Variants in EYS observed in about 807,000 individuals in gnomAD.
EYS encodes the protein EGF-like photoreceptor maintenance factor.
In EYS, 250 loss-of-function variants were observed where a neutral mutation model predicts 282.1. That is an observed-to-expected ratio of 0.89 (90% confidence interval 0.80 to 0.98). The LOEUF (loss-of-function observed/expected upper bound fraction) is 0.98, where lower values mean the gene tolerates loss of function less well. Ranked by LOEUF, EYS falls within the 50% of genes least tolerant of loss-of-function variation. The pLI is 0.00. For missense variants in EYS, 4,016 were observed against 3,709.0 expected (o/e 1.08, Z -2.15); for synonymous variants, 1,355 against 1,282.9 (o/e 1.06, Z -1.20).
intron 35 of EYS, among the ~76,000 whole-genome samples, chr6:63,955,345 G>GT (rs1765770541): frequency 6.6e-6 from 1 of 152,080 alleles, no homozygotes; most frequent in Admixed American, 6.6e-5. Flanking sequence ...ATATCTCCTG[G>GT]TTTTACCTCA....
intron 12 of EYS, among the ~76,000 whole-genome samples, chr6:65,095,885 A>G (rs564865629): frequency 6.6e-6 from 1 of 150,874 alleles, no homozygotes; most frequent in East Asian, 1.9e-4. Flanking sequence ...TATGATCAGA[A>G]ACAGGGTGAG....
At chr6:65,543,480 T>C (rs1251283248) in intron 2 of EYS, among the ~76,000 whole-genome samples, 2 of 148,412 alleles carry the variant, frequency 1.3e-5, no homozygotes, top group Non-Finnish European at 3.0e-5. Flanking sequence ...TGTGTGTGTA[T>C]ATATCTATAT....
chr6:64,329,893 G>A (rs1001215450), intron 29 of EYS, among the ~76,000 whole-genome samples: 11 of 152,086 alleles, frequency 7.2e-5, no homozygotes, highest in Non-Finnish European at 1.3e-4. Flanking sequence ...TGGTTTACAT[G>A]CTTATACATA....
At chr6:65,185,918 T>G (rs181338736) in intron 12 of EYS, among the ~76,000 whole-genome samples, 112 of 151,816 alleles carry the variant, frequency 7.4e-4, no homozygotes, top group African/African-American at 2.6e-3. Context: ...CTCAGAACAT[T>G]GATATTCTCT....
chr6:65,314,773 C>T (rs1440715724), intron 11 of EYS, among the ~76,000 whole-genome samples: 3 of 151,938 alleles, frequency 2.0e-5, no homozygotes, highest in African/African-American at 4.8e-5. Context: ...GAACTGTGCT[C>T]ACTCACATAG....
chr6:63,851,566 A>G (rs575124900), intron 36 of EYS, among the ~76,000 whole-genome samples: 2 of 152,222 alleles, frequency 1.3e-5, no homozygotes, highest in East Asian at 1.9e-4. Flanking sequence ...CTGCTCCTGA[A>G]TGACTACTGG....
intron 22 of EYS, among the ~76,000 whole-genome samples, chr6:64,780,104 G>A (rs1037528064): frequency 6.6e-6 from 1 of 152,040 alleles, no homozygotes; most frequent in Non-Finnish European, 1.5e-5. Context: ...ATCTCCATGT[G>A]AACATGAGCT....
At chr6:65,606,332 G>C (rs1765791123) in intron 2 of EYS, among the ~76,000 whole-genome samples, 1 of 151,584 alleles carries the variant, frequency 6.6e-6, no homozygotes, top group Non-Finnish European at 1.5e-5. Context: ...CATATTCCAA[G>C]CCATACTAAA....
At chr6:64,259,882 T>C (rs1767530544) in intron 30 of EYS, among the ~76,000 whole-genome samples, 1 of 152,060 alleles carries the variant, frequency 6.6e-6, no homozygotes, top group East Asian at 1.9e-4. Flanking sequence ...ATGTATTCCA[T>C]AATTATTTCA....
chr6:65,582,261 C>G (rs1196402909), intron 2 of EYS, among the ~76,000 whole-genome samples: 2 of 151,534 alleles, frequency 1.3e-5, no homozygotes, highest in Admixed American at 1.3e-4. Context: ...TGATCTTTTA[C>G]CAGTGTTTTG....
Position 64,449,762 on chromosome 6 carries a change from C to T in EYS, c.5645-10410G>A, listed in dbSNP as rs1361359151. Among the ~76,000 whole-genome samples the T allele has an allele frequency of 3.9e-5, 6 of 152,102 alleles. No individual in the cohort carries two copies. The South Asian group carries it at 1.0e-3, about 26-fold the overall frequency. On this transcript the variant is annotated intron_variant, in intron 26 of 42. Coordinates refer to ENST00000503581, the MANE Select transcript of EYS (RefSeq NM_001142800.2). ...TTTCATATCCAGCCAAACTAAGCTT[C>T]ATAAGTGAAGGAGAAATAAAATACT... is the stretch of plus-strand genomic sequence containing the variant.
At chr6:65,294,386 A>G (rs17411685) in intron 12 of EYS, among the ~76,000 whole-genome samples, 4,961 of 152,078 alleles carry the variant, frequency 0.033, 132 homozygotes, top group Middle Eastern at 0.071. Flanking sequence ...CTTGCTTATA[A>G]TATGGGCCTG....
At chr6:64,679,992 G>A (rs972702361) in intron 22 of EYS, among the ~76,000 whole-genome samples, 1 of 151,650 alleles carries the variant, frequency 6.6e-6, no homozygotes, top group Non-Finnish European at 1.5e-5. Flanking sequence ...TTTTTACATA[G>A]GGAAAATAAA....
At chr6:64,451,681 C>A (rs7451523) in intron 26 of EYS, among the ~76,000 whole-genome samples, 4 of 151,984 alleles carry the variant, frequency 2.6e-5, no homozygotes, top group East Asian at 1.9e-4. Context: ...GGGCTTCATC[C>A]CCGGGATGCA....
chr6:64,204,028 A>G (rs975972784), intron 31 of EYS, among the ~76,000 whole-genome samples: 10 of 152,216 alleles, frequency 6.6e-5, no homozygotes, highest in African/African-American at 2.4e-4. Context: ...TAAGAATTAA[A>G]TCACATTTGA....
At chr6:65,140,783 C>T (rs1459005883) in intron 12 of EYS, among the ~76,000 whole-genome samples, 1 of 151,708 alleles carries the variant, frequency 6.6e-6, no homozygotes, top group Non-Finnish European at 1.5e-5. Flanking sequence ...AAATCAAAAC[C>T]ACAATGAGAT....
chr6:64,784,625 G>A (rs1287082730), intron 22 of EYS, among the ~76,000 whole-genome samples: 1 of 152,046 alleles, frequency 6.6e-6, no homozygotes, highest in Non-Finnish European at 1.5e-5. Flanking sequence ...TCATTCTAGA[G>A]GTTTCAGCTG....
chr6:63,835,288 A>G (rs1771773980), intron 36 of EYS, among the ~76,000 whole-genome samples: 1 of 151,258 alleles, frequency 6.6e-6, no homozygotes, highest in African/African-American at 2.4e-5. Context: ...TACTCTCTAT[A>G]TACTATATAC....
intron 2 of EYS, among the ~76,000 whole-genome samples, chr6:65,565,629 C>T (rs929929666): frequency 1.3e-5 from 2 of 152,040 alleles, no homozygotes; most frequent in Non-Finnish European, 2.9e-5. Context: ...TATCATGCTA[C>T]TATAAAGACA....
Sources: allele counts gnomAD v4.1 joint callset (sites outside exome capture counted in the v4.1 genomes callset), GRCh38; gene constraint gnomAD v4.1.1; transcripts MANE v1.5; gene names NCBI Gene and HGNC (gene_info 2026-07-23, HGNC 2026-07-21).